BRSK2: variants seen among roughly 807,000 people sequenced by gnomAD.
The protein encoded by BRSK2 is BR serine/threonine kinase 2.
BRSK2 carries 19 observed loss-of-function variants against 83.3 expected under a neutral mutation model. The observed-to-expected ratio is 0.23, with a 90% CI of 0.16 to 0.33. The LOEUF (loss-of-function observed/expected upper bound fraction) is 0.33. BRSK2 is among the 10% of genes least tolerant of loss of function. The probability of loss-of-function intolerance (pLI) is 1.00; values close to 1 mark genes in which losing one functional copy is unlikely to be tolerated. For missense variants in BRSK2, 798 were observed against 1,042.3 expected (o/e 0.77, Z 3.23); for synonymous variants, 519 against 435.4 (o/e 1.19, Z -2.39).
rs1590535029 is a variant in BRSK2, at chr11:1,438,230, C to T, written c.187-76C>T. On this transcript the variant is annotated intron_variant, in intron 2 of 19. Coordinates refer to ENST00000528841, the MANE Select transcript of BRSK2 (RefSeq NM_001256627.2). The surrounding 1 kb of genome is among the most constrained non-coding windows in gnomAD (Gnocchi z 6.4). ...GCCCCTGCGACCCCCACAGCTGGCA[C>T]CAAAGGCAGTGTCTGTGGGGAGCGA... 1 of 1,444,830 alleles carries T rather than the reference C, an allele frequency of 6.9e-7. No homozygotes were observed. Among genetic ancestry groups the T allele is most frequent in the Non-Finnish European group, 9.7e-7 (1 of 1,036,142 alleles). 89.5% of individuals were successfully genotyped at this position (1,444,830 alleles called of 1,614,324 possible). A position where few individuals can be genotyped will look rare whatever the true frequency, so the allele number is the denominator to read the frequency against.
Position 1,460,891 on chromosome 11 carries a change from C to T in BRSK2, c.*168C>T. ...TGGGGCCGGCCTGTGGGCTGCGCCACCCGCGCCCGCTCTCTTTTCTCTCTG... is the reference window on the plus strand; with the variant it reads ...TGGGGCCGGCCTGTGGGCTGCGCCATCCGCGCCCGCTCTCTTTTCTCTCTG... On this transcript the variant is annotated 3_prime_UTR_variant, in exon 20 of 20. Transcript: ENST00000528841. The T allele has an allele frequency of 7.5e-6, 12 of 1,602,494 alleles. No individual in the cohort carries two copies. In the South Asian group the frequency reaches 1.3e-4, roughly 18 times the overall value.
intron 1 of BRSK2, among the ~76,000 whole-genome samples, chr11:1,428,280 G>T (rs1849484904): frequency 6.6e-6 from 1 of 152,178 alleles, no homozygotes; most frequent in African/African-American, 2.4e-5. Flanking sequence ...GAGGCCACCT[G>T]CAGCCCCCAG....
At chr11:1,433,973 G>T (rs945539824) in intron 1 of BRSK2, among the ~76,000 whole-genome samples, 2 of 152,262 alleles carry the variant, frequency 1.3e-5, no homozygotes, top group South Asian at 4.1e-4. Context: ...ACGCCACACA[G>T]ATGAAACTGA....
At position 1,411,445 on chromosome 11, in the gene BRSK2, G is replaced by A. The variant is rs553621737; in HGVS notation, c.91+21070G>A. 17 of 1,467,460 alleles carry A rather than the reference G, an allele frequency of 1.2e-5. No homozygotes were observed. In the East Asian group the frequency reaches 1.8e-4, roughly 16 times the overall value. 90.9% of individuals were successfully genotyped at this position (1,467,460 alleles called of 1,614,324 possible). ...CACCCCAGCCGATGGGCACGTCCCCGCCGGCCCTGCATCTGTCCTTCCTCC... is the reference window on the plus strand; with the variant it reads ...CACCCCAGCCGATGGGCACGTCCCCACCGGCCCTGCATCTGTCCTTCCTCC... On this transcript the variant is annotated intron_variant, in intron 1 of 19. Transcript: ENST00000528841.
chr11:1,399,049 C>G (rs1881507), intron 1 of BRSK2, among the ~76,000 whole-genome samples: 1 of 152,192 alleles, frequency 6.6e-6, no homozygotes, highest in Non-Finnish European at 1.5e-5. Flanking sequence ...TGCGGAATGA[C>G]TCCGTCCCTT....
chr11:1,400,493 C>G (rs889160996), intron 1 of BRSK2, among the ~76,000 whole-genome samples: 1 of 152,236 alleles, frequency 6.6e-6, no homozygotes, highest in Non-Finnish European at 1.5e-5. Flanking sequence ...TAATCCCTGA[C>G]CCTGTATAGC....
chr11:1,454,623 C>G lies in BRSK2; in HGVS notation c.1668+15C>G. On this transcript the variant is annotated intron_variant, in intron 16 of 19. Coordinates refer to ENST00000528841, the MANE Select transcript of BRSK2 (RefSeq NM_001256627.2). This position sits in a 1 kb window ranked among gnomAD's most constrained non-coding sequence, Gnocchi z 5.2. ...CCTTCCTGTCGGTGAGGCCACAGGGCGCTGGGGGAGGCGGGCAGCCCTCCC... is the reference window on the plus strand; with the variant it reads ...CCTTCCTGTCGGTGAGGCCACAGGGGGCTGGGGGAGGCGGGCAGCCCTCCC... 6.2e-7 allele frequency: 1 copy of G among 1,612,032 alleles called. No homozygotes were observed. The highest frequency in any genetic ancestry group is 8.5e-7 in the Non-Finnish European group (1 of 1,179,678).
chr11:1,442,979 G>T (rs1458462882), intron 5 of BRSK2, 127 bp from the exon 6 acceptor site: 1 of 1,109,536 alleles, frequency 9.0e-7, no homozygotes, highest in Admixed American at 2.8e-5. Flanking sequence ...GGGATGCAGG[G>T]AATGTGGGGG....
In BRSK2 at chr11:1,445,338, A is replaced by G; in HGVS notation, c.857A>G (p.Lys286Arg). 6.2e-7 allele frequency: 1 copy of G among 1,611,510 alleles called. No homozygotes were observed. Among genetic ancestry groups the G allele is most frequent in the Non-Finnish European group, 8.5e-7 (1 of 1,179,322 alleles). ...EPEPEQPIPR[K>R]VQIRSLPSLE... ...GAACCAGAGCAGCCCATTCCTCGCAAGGTGCAGATCCGCTCGCTGCCCAGC... is the reference window on the plus strand; with the variant it reads ...GAACCAGAGCAGCCCATTCCTCGCAGGGTGCAGATCCGCTCGCTGCCCAGC... The change falls in exon 10 of 20, where the codon AAG (lysine) becomes AGG (arginine). Residue 286 changes from lysine (K) to arginine (R), a missense_variant. Coordinates refer to ENST00000528841, the MANE Select transcript of BRSK2 (RefSeq NM_001256627.2).
chr11:1,406,192 C>A (rs1030925952), intron 1 of BRSK2, among the ~76,000 whole-genome samples: 1 of 152,216 alleles, frequency 6.6e-6, no homozygotes, highest in Non-Finnish European at 1.5e-5. Flanking sequence ...TAAACTGGGC[C>A]GGGCGCAGTG....
At chr11:1,445,232 C>G (rs1286033013) in intron 9 of BRSK2, 62 bp from the exon 10 acceptor site, 2 of 1,542,866 alleles carry the variant, frequency 1.3e-6, no homozygotes, top group Non-Finnish European at 1.7e-6. Context: ...GGGCGTCCCA[C>G]CCTCGCAGCC....
At chr11:1,429,415 C>CTGGTGTGTGCAT (rs77305429) in intron 1 of BRSK2, among the ~76,000 whole-genome samples, 1 of 149,636 alleles carries the variant, frequency 6.7e-6, no homozygotes, top group East Asian at 1.9e-4. Context: ...GGGGTGTGCA[C>CTGGTGTGTGCAT]GCATGGAGGT....
rs1307679370 is a variant in BRSK2 at position 1,445,795 on chromosome 11, C to T, written c.1114C>T (p.Arg372Trp). 10 of 1,612,292 alleles carry T rather than the reference C, an allele frequency of 6.2e-6. No individual in the cohort carries two copies. The highest frequency in any genetic ancestry group is 1.1e-5 in the South Asian group (1 of 91,056). Residue 372 changes from arginine (R) to tryptophan (W), a missense_variant, in exon 12 of 20, where the codon CGG (arginine) becomes TGG (tryptophan). By Grantham distance (101) the Arg-to-Trp change is moderately radical. This residue lies in a region of BRSK2 where 145 missense variants were observed against 225.4 expected (regional missense o/e 0.64). Coordinates refer to ENST00000528841, the MANE Select transcript of BRSK2 (RefSeq NM_001256627.2). ...GCGTGTGGACTCCCCGATGCTGAAC[C>T]GGCACGGCAAGCGGCGGCCAGAACG... ...RKRVDSPMLN[R>W]HGKRRPERKS...
intron 1 of BRSK2, among the ~76,000 whole-genome samples, chr11:1,433,357 G>A (rs1194978262): frequency 1.3e-5 from 2 of 152,256 alleles, no homozygotes; most frequent in African/African-American, 4.8e-5. Context: ...GGGGCAGGGT[G>A]TGGGCCCTTC....
At chr11:1,416,698 C>A (rs1848129478) in intron 1 of BRSK2, among the ~76,000 whole-genome samples, 1 of 152,196 alleles carries the variant, frequency 6.6e-6, no homozygotes, top group Admixed American at 6.5e-5. Flanking sequence ...GTGTCTCTGG[C>A]TGCTTTTGAG....
intron 1 of BRSK2, among the ~76,000 whole-genome samples, chr11:1,413,261 C>T (rs927092579): frequency 6.6e-6 from 1 of 152,116 alleles, no homozygotes; most frequent in African/African-American, 2.4e-5. Flanking sequence ...GTGTGGTGTG[C>T]CCTGACCCCA....
In BRSK2 at chr11:1,445,585, A is replaced by C; in HGVS notation, c.992A>C (p.Lys331Thr). The change falls in exon 11 of 20, where the codon AAG (lysine) becomes ACG (threonine). Residue 331 changes from lysine (K) to threonine (T), a missense_variant. By Grantham distance (78) the Lys-to-Thr change is moderately conservative (BLOSUM62 -1). Coordinates refer to ENST00000528841, the MANE Select transcript of BRSK2 (RefSeq NM_001256627.2). ...GCCCGCTGTAGGGAGAACCAGGAGAAGATGATTTACTTCCTCCTCCTGGAC... is the reference window on the plus strand; with the variant it reads ...GCCCGCTGTAGGGAGAACCAGGAGACGATGATTTACTTCCTCCTCCTGGAC... ...DLLSEEENQE[K>T]MIYFLLLDRK... 1 of 1,575,234 alleles carries C rather than the reference A, an allele frequency of 6.3e-7. No individual in the cohort carries two copies. The highest frequency in any genetic ancestry group is 1.1e-5 in the South Asian group (1 of 87,358).
chr11:1,403,887 G>A (rs771112968), intron 1 of BRSK2, among the ~76,000 whole-genome samples: 1 of 152,166 alleles, frequency 6.6e-6, no homozygotes, highest in Non-Finnish European at 1.5e-5. Context: ...GTGGGGAGGC[G>A]GCCGGGCTCC....
In BRSK2 at chr11:1,461,326, G is replaced by A. The variant is rs1046607542; in HGVS notation, c.*603G>A. ...CCACGCCGCACCTGGAGGCCTCCTC[G>A]CAGGCCCGTGCCCCGCCTCCCTGGC... On this transcript the variant is annotated 3_prime_UTR_variant, in exon 20 of 20. Transcript: ENST00000528841. The A allele has an allele frequency of 7.7e-6, 3 of 388,910 alleles. No homozygotes were observed. The highest frequency in any genetic ancestry group is 4.7e-5 in the Admixed American group (1 of 21,124). 24.1% of individuals were successfully genotyped at this position (388,910 alleles called of 1,614,324 possible). A position where few individuals can be genotyped will look rare whatever the true frequency, so the allele number is the denominator to read the frequency against.
Sources: allele counts gnomAD v4.1 joint callset (sites outside exome capture counted in the v4.1 genomes callset), GRCh38; gene constraint gnomAD v4.1.1; regional missense constraint gnomAD v4.1.1; non-coding constraint Gnocchi (gnomAD v3.1); transcripts MANE v1.5; gene names NCBI Gene and HGNC (gene_info 2026-07-23, HGNC 2026-07-21).